KSR1: variants seen among roughly 807,000 people sequenced by gnomAD.
KSR1 encodes kinase suppressor of ras 1, also known as kinase suppressor of ras.
In KSR1, 35 loss-of-function variants were observed where a neutral mutation model predicts 92.9. The observed-to-expected ratio is 0.38, with a 90% confidence interval of 0.29 to 0.50. The LOEUF (loss-of-function observed/expected upper bound fraction) is 0.50, where lower values mean the gene tolerates loss of function less well. Among genes scored for constraint, KSR1 ranks in the 20% least tolerant of loss-of-function variants. The pLI is 0.94. For missense variants in KSR1, 972 were observed against 1,158.5 expected (o/e 0.84, Z 2.34); for synonymous variants, 467 against 472.6 (o/e 0.99, Z 0.15).
chr17:27,611,834 T>G (rs2073926690), intron 18 of KSR1, among the ~76,000 whole-genome samples: 1 of 151,992 alleles, frequency 6.6e-6, no homozygotes, highest in Admixed American at 6.6e-5. Context: ...ATATCTATCC[T>G]CACCCCACTG....
At chr17:27,496,200 G>A (rs1040243234) in intron 1 of KSR1, among the ~76,000 whole-genome samples, 2 of 152,136 alleles carry the variant, frequency 1.3e-5, no homozygotes, top group African/African-American at 2.4e-5. Flanking sequence ...GTGAGGCCCC[G>A]GGTGGCGTTT....
In KSR1 at chr17:27,566,323, C is replaced by T. The variant is rs557852618; in HGVS notation, c.373-11169C>T. ...GTGCTGACTCCCCAGCTCCCAGGCACAAACTATTTTTGGCTGCAGTGACTG... is the reference window on the plus strand; with the variant it reads ...GTGCTGACTCCCCAGCTCCCAGGCATAAACTATTTTTGGCTGCAGTGACTG... On this transcript the variant is annotated intron_variant, in intron 2 of 20. Transcript: ENST00000644974. 7 of 396,466 alleles carry T rather than the reference C, an allele frequency of 1.8e-5. No homozygotes were observed. The Admixed American group carries it at 2.6e-4, about 15-fold the overall frequency. 24.6% of individuals were successfully genotyped at this position (396,466 alleles called of 1,614,324 possible).
chr17:27,462,503 A>G (rs2019493424), intron 1 of KSR1, among the ~76,000 whole-genome samples: 2 of 152,166 alleles, frequency 1.3e-5, no homozygotes, highest in Admixed American at 1.3e-4. Context: ...TGTCCAGGCT[A>G]GCACATCCTC....
In KSR1 at chr17:27,560,705, T is replaced by G. The variant is rs576215243; in HGVS notation, c.372+9997T>G. Among the ~76,000 whole-genome samples the G allele has an allele frequency of 2.6e-5, 4 of 152,286 alleles. No individual in the cohort carries two copies. In the South Asian group the frequency reaches 8.3e-4, roughly 32 times the overall value. On this transcript the variant is annotated intron_variant, in intron 2 of 20. Transcript: ENST00000644974. ...CCAGGAAAGCGAACCCGCATTTGGC[T>G]CCTGGGGTGCAGCTTGAGTCGGCAT...
At chr17:27,588,583 AC>A (rs1464051456) in intron 6 of KSR1, 48 bp downstream of exon 6, 8 of 1,513,366 alleles carry the variant, frequency 5.3e-6, no homozygotes, top group Non-Finnish European at 7.1e-6. Context: ...CCGGGCTGGT[AC>A]CCAGATGGGG....
intron 1 of KSR1, among the ~76,000 whole-genome samples, chr17:27,500,791 GC>G: frequency 6.6e-6 from 1 of 152,262 alleles, no homozygotes; most frequent in South Asian, 2.1e-4. Flanking sequence ...AGGGATTGGG[GC>G]CCTCTGCGAG....
Position 27,611,609 on chromosome 17 carries a change from A to G in KSR1, c.2473A>G (p.Ser825Gly), listed in dbSNP as rs775361924. Residue 825 changes from serine (S) to glycine (G), a missense_variant, in exon 18 of 21, where the codon AGC becomes GGC. Physicochemically the swap from Ser to Gly is moderately conservative, Grantham distance 56. Around this residue, in one of 5 missense-constraint regions of KSR1, gnomAD observed 260 missense variants for 375.2 expected, o/e 0.69. Transcript: ENST00000644974. ...AATGAAGCGTGTCCTGACTTCTGTC[A>G]GCTTGGGGAAGGAAGTCAGTGTAAG... ...EGMKRVLTSV[S>G]LGKEVSEILS... 1 of 1,613,846 alleles carries G rather than the reference A, an allele frequency of 6.2e-7. No individual in the cohort carries two copies. The highest frequency in any genetic ancestry group is 2.2e-5 in the East Asian group (1 of 44,866).
At chr17:27,498,104 T>C (rs2069051914) in intron 1 of KSR1, among the ~76,000 whole-genome samples, 1 of 151,954 alleles carries the variant, frequency 6.6e-6, no homozygotes, top group South Asian at 2.1e-4. Context: ...CTGAGGCAGA[T>C]GGATCACTTG....
At chr17:27,560,951 G>T (rs1598029625) in intron 2 of KSR1, among the ~76,000 whole-genome samples, 1 of 152,342 alleles carries the variant, frequency 6.6e-6, no homozygotes, top group Non-Finnish European at 1.5e-5. Context: ...CAGCCCAGTG[G>T]GGGCTGGGCC....
intron 1 of KSR1, among the ~76,000 whole-genome samples, chr17:27,518,244 C>T (rs1343566170): frequency 6.6e-6 from 1 of 151,944 alleles, no homozygotes; most frequent in Non-Finnish European, 1.5e-5. Flanking sequence ...TAAACAAGGC[C>T]CCAGAGGTGT....
At chr17:27,506,195 C>T (rs1371882742) in intron 1 of KSR1, among the ~76,000 whole-genome samples, 1 of 152,144 alleles carries the variant, frequency 6.6e-6, no homozygotes, top group Non-Finnish European at 1.5e-5. Flanking sequence ...GTAATAAGGT[C>T]GGTTTTGGGT....
At chr17:27,490,582 TG>T (rs1418841835) in intron 1 of KSR1, among the ~76,000 whole-genome samples, 1 of 152,086 alleles carries the variant, frequency 6.6e-6, no homozygotes, top group South Asian at 2.1e-4. Context: ...AGCAAAGACC[TG>T]GGGGGTCTTC....
intron 1 of KSR1, among the ~76,000 whole-genome samples, chr17:27,536,242 A>G (rs1318410643): frequency 6.6e-6 from 1 of 152,164 alleles, no homozygotes; most frequent in Non-Finnish European, 1.5e-5. Flanking sequence ...AAATTGAACA[A>G]CAAACAGGGC....
At chr17:27,505,205 G>T (rs2069334245) in intron 1 of KSR1, among the ~76,000 whole-genome samples, 1 of 152,204 alleles carries the variant, frequency 6.6e-6, no homozygotes, top group Admixed American at 6.5e-5. Context: ...GAGCTGGCCA[G>T]TGAGAGGGAG....
intron 1 of KSR1, among the ~76,000 whole-genome samples, chr17:27,541,317 G>A (rs1163146842): frequency 6.6e-6 from 1 of 152,238 alleles, no homozygotes; most frequent in African/African-American, 2.4e-5. Flanking sequence ...GTGTCACTCT[G>A]TAAAGCATAC....
chr17:27,507,437 G>GA (rs2069427617), intron 1 of KSR1, among the ~76,000 whole-genome samples: 1 of 151,334 alleles, frequency 6.6e-6, no homozygotes, highest in Non-Finnish European at 1.5e-5. Context: ...TGTCTCGAAG[G>GA]AAAAAATATA....
At chr17:27,560,268 C>T in intron 2 of KSR1, 1 of 399,944 alleles carries the variant, frequency 2.5e-6, no homozygotes, top group Non-Finnish European at 4.9e-6. Flanking sequence ...TGGCATGGAG[C>T]CATTTTTTTT....
chr17:27,466,833 C>T (rs2019723127), intron 1 of KSR1, among the ~76,000 whole-genome samples: 1 of 152,246 alleles, frequency 6.6e-6, no homozygotes, highest in African/African-American at 2.4e-5. Flanking sequence ...GGAGTCGAGG[C>T]TCCCACACTG....
chr17:27,608,093 G>A (rs2073814036), intron 15 of KSR1, 83 bp downstream of exon 15: 2 of 1,016,952 alleles, frequency 2.0e-6, no homozygotes, highest in Admixed American at 2.1e-5. Flanking sequence ...GTTACTCCCT[G>A]TTAGGGTGGT....
Sources: allele counts gnomAD v4.1 joint callset (sites outside exome capture counted in the v4.1 genomes callset), GRCh38; gene constraint gnomAD v4.1.1; regional missense constraint gnomAD v4.1.1; transcripts MANE v1.5; gene names NCBI Gene and HGNC (gene_info 2026-07-23, HGNC 2026-07-21).